The following CPEB1 variants were observed in gnomAD, a reference collection of about 807,000 sequenced individuals.
CPEB1 encodes the protein cytoplasmic polyadenylation element-binding protein 1.
In CPEB1, 7 loss-of-function variants were observed where a neutral mutation model predicts 65.8. The observed-to-expected ratio is 0.11, with a 90% CI of 0.06 to 0.20. The LOEUF is 0.20. CPEB1 is among the 10% of genes least tolerant of loss of function. CPEB1 has a pLI of 1.00. For missense variants in CPEB1, 551 were observed against 712.2 expected, an observed-to-expected ratio of 0.77 and a Z score of 2.58; for synonymous variants, 262 against 260.0, an observed-to-expected ratio of 1.01 and a Z score of -0.08.
At chr15:82,547,344 T>A (rs2035427166) in intron 10 of CPEB1, 107 bp from the exon 11 acceptor site, 1 of 633,184 alleles carries the variant, frequency 1.6e-6, no homozygotes, top group Non-Finnish European at 2.7e-6. Flanking sequence ...TCGCCCAGGC[T>A]GGTGTGCAGT....
At chr15:82,560,026 G>A (rs375904532) in intron 4 of CPEB1, among the ~76,000 whole-genome samples, 2 of 152,312 alleles carry the variant, frequency 1.3e-5, no homozygotes, top group East Asian at 1.9e-4. Context: ...AGAGGTTGCA[G>A]TGAGCCGAGA....
intron 1 of CPEB1, chr15:82,629,280 G>C: frequency 2.0e-6 from 2 of 985,218 alleles, no homozygotes; most frequent in Non-Finnish European, 2.4e-6. Flanking sequence ...CTGCTAATTT[G>C]TATCTGCAAA....
chr15:82,576,091 A>T (rs145173064), intron 3 of CPEB1, among the ~76,000 whole-genome samples: 1 of 152,226 alleles, frequency 6.6e-6, no homozygotes, highest in Non-Finnish European at 1.5e-5. Flanking sequence ...GTGAGAATCA[A>T]CAGAACAAAA....
chr15:82,641,677 G>A (rs1189215014), intron 1 of CPEB1: 1 of 150,054 alleles, frequency 6.7e-6, no homozygotes, highest in Admixed American at 6.7e-5. Flanking sequence ...AACTCATCAC[G>A]AATGCCTTAA....
intron 3 of CPEB1, among the ~76,000 whole-genome samples, chr15:82,620,791 AC>A (rs1218751989): frequency 6.6e-6 from 1 of 152,308 alleles, no homozygotes; most frequent in East Asian, 1.9e-4. Flanking sequence ...TGACAGTGAT[AC>A]CCCATCTCAG....
intron 3 of CPEB1, among the ~76,000 whole-genome samples, chr15:82,609,809 C>G (rs1041410418): frequency 2.0e-5 from 3 of 151,804 alleles, no homozygotes; most frequent in Non-Finnish European, 4.4e-5. Context: ...GCCTGTAATC[C>G]CAGCACTTTG....
At chr15:82,611,364 T>A (rs547674792) in intron 3 of CPEB1, among the ~76,000 whole-genome samples, 1 of 152,106 alleles carries the variant, frequency 6.6e-6, no homozygotes, top group Non-Finnish European at 1.5e-5. Context: ...TATGAATAAA[T>A]TGCAAGACTT....
chr15:82,624,832 A>AT (rs2045618154), intron 3 of CPEB1, among the ~76,000 whole-genome samples: 1 of 110,464 alleles, frequency 9.1e-6, no homozygotes, highest in Admixed American at 8.6e-5. Context: ...TGAGTGTCAT[A>AT]CTTTTTTTTT....
At chr15:82,559,042 CTGGCTG>C (rs1286825818) in intron 4 of CPEB1, among the ~76,000 whole-genome samples, 1 of 151,450 alleles carries the variant, frequency 6.6e-6, no homozygotes, top group Non-Finnish European at 1.5e-5. Flanking sequence ...TGCTGAATAA[CTGGCTG>C]TGATTGGCCC....
chr15:82,606,242 C>T (rs892099041), intron 3 of CPEB1, among the ~76,000 whole-genome samples: 5 of 150,724 alleles, frequency 3.3e-5, no homozygotes, highest in Non-Finnish European at 7.4e-5. Flanking sequence ...CCGAGGCAGG[C>T]GGATCACTTG....
Position 82,555,986 on chromosome 15 carries a change from G to A in CPEB1, c.824C>T (p.Thr275Ile), listed in dbSNP as rs779412598. ...AALAAVTPSP[T>I]SASKRWPGAS... ...TCCTGGCCATCTCTTTGAAGCACTG[G>A]TTGGGGAGGGAGTGACTGCAGCAAG... is the stretch of plus-strand genomic sequence containing the variant. Residue 275 changes from threonine (T) to isoleucine (I), a missense_variant, in exon 6 of 13, where the codon ACC becomes ATC. Physicochemically the swap from Thr to Ile is moderately conservative, Grantham distance 89 (BLOSUM62 -1). Coordinates refer to ENST00000684509, the MANE Select transcript of CPEB1 (RefSeq NM_001365242.1). The A allele has an allele frequency of 2.5e-6, 4 of 1,613,874 alleles. No homozygotes were observed. Among genetic ancestry groups the A allele is most frequent in the South Asian group, 2.2e-5 (2 of 90,992 alleles).
chr15:82,633,269 ATTGT>A (rs748071354), intron 1 of CPEB1: 43 of 152,250 alleles, frequency 2.8e-4, no homozygotes, highest in Non-Finnish European at 2.8e-4. Flanking sequence ...TTTAAAAACA[ATTGT>A]TTAATGCTAA....
At chr15:82,586,487 T>C (rs1314763996) in intron 3 of CPEB1, among the ~76,000 whole-genome samples, 2 of 152,226 alleles carry the variant, frequency 1.3e-5, no homozygotes, top group African/African-American at 2.4e-5. Flanking sequence ...TTAAATGTTA[T>C]TCCCCTTTAA....
rs369707449 is a variant in CPEB1 at position 82,594,425 on chromosome 15, A to C, written c.272-22893T>G. On this transcript the variant is annotated intron_variant, in intron 3 of 12. Transcript: ENST00000684509. ...ATGAACCAACCTCTGCTAGCTTCCA[A>C]ATTTTCTTGTGCAGCTTCCTCACCT... Among the ~76,000 whole-genome samples, 10 of 152,282 alleles carry C rather than the reference A, an allele frequency of 6.6e-5. No homozygotes were observed. The East Asian group carries it at 1.9e-3, about 29-fold the overall frequency.
chr15:82,618,460 T>G (rs978333564), intron 3 of CPEB1, among the ~76,000 whole-genome samples: 2 of 152,168 alleles, frequency 1.3e-5, no homozygotes, highest in Non-Finnish European at 2.9e-5. Flanking sequence ...GACTTCCTGG[T>G]TCCTATAGCA....
chr15:82,553,646 T>C, intron 7 of CPEB1, 90 bp from the exon 8 acceptor site: 1 of 988,036 alleles, frequency 1.0e-6, no homozygotes, highest in Non-Finnish European at 1.6e-6. Context: ...TTCTCCTCCC[T>C]GGCTCATCCC....
chr15:82,603,249 C>T (rs1002549799), intron 3 of CPEB1, among the ~76,000 whole-genome samples: 10 of 152,074 alleles, frequency 6.6e-5, no homozygotes, highest in African/African-American at 2.2e-4. Flanking sequence ...ATTGTCATTA[C>T]TTGACCTTTT....
chr15:82,578,331 A>T (rs1363508602), intron 3 of CPEB1, among the ~76,000 whole-genome samples: 4 of 152,224 alleles, frequency 2.6e-5, no homozygotes, highest in Non-Finnish European at 4.4e-5. Context: ...ACTAAAAATA[A>T]TAATACATGA....
intron 3 of CPEB1, among the ~76,000 whole-genome samples, chr15:82,598,523 G>A (rs1567211101): frequency 6.6e-6 from 1 of 151,970 alleles, no homozygotes; most frequent in Non-Finnish European, 1.5e-5. Flanking sequence ...AGTGGTTCAC[G>A]CCTATAATCT....
Sources: gnomAD v4.1 joint callset for allele counts (sites outside exome capture counted in the v4.1 genomes callset) on GRCh38, gnomAD v4.1.1 for gene constraint, MANE v1.5 for transcripts, NCBI Gene and HGNC (gene_info 2026-07-23, HGNC 2026-07-21) for gene names.